KIF1B: variants seen among roughly 807,000 people sequenced by gnomAD.
KIF1B encodes the protein kinesin family member 1B, also known as kinesin-like protein KIF1B.
A neutral mutation model predicts 241.9 loss-of-function variants in KIF1B; 76 were observed. The ratio of observed to expected loss-of-function variants is 0.31; its 90% CI spans 0.26 to 0.38. KIF1B has a LOEUF of 0.38. KIF1B is among the 10% of genes least tolerant of loss of function. KIF1B has a pLI of 1.00. For synonymous variants in KIF1B, 750 were observed against 796.7 expected (o/e 0.94, Z 0.99); for missense variants, 1,622 against 2,271.4 (o/e 0.71, Z 5.81).
intron 18 of KIF1B, 132 bp from the exon 19 acceptor site, chr1:10,295,528 A>C (rs1650218150): frequency 1.2e-6 from 1 of 805,184 alleles, no homozygotes; most frequent in African/African-American, 1.7e-5. Flanking sequence ...TTCATAGTTG[A>C]AAGCTTCTGA....
At position 10,324,652 on chromosome 1, in the gene KIF1B, CCTT is replaced by C. The variant is rs754107452; in HGVS notation, c.2538-105_2538-103del. 487 of 1,265,070 alleles carry C rather than the reference CCTT, an allele frequency of 3.8e-4. No homozygotes were observed. The East Asian group carries it at 9.2e-3, about 24-fold the overall frequency. The allele number at this position is 1,265,070 out of a possible 1,614,324, so 78.4% of individuals were successfully genotyped here. On this transcript the variant is annotated intron_variant, in intron 25 of 48. Coordinates refer to ENST00000676179, the MANE Select transcript of KIF1B (RefSeq NM_001365951.3). ...GTAACATTAAACAGTGGGAGCAACT[CCTT>C]TTTTTTTTTTTGAAGAAAATCTTGA...
rs1350668423 is a variant in KIF1B at position 10,378,282 on chromosome 1, AC to A, written c.*1696del. The A allele has an allele frequency of 4.2e-6, 3 of 717,104 alleles. No individual in the cohort carries two copies. The highest frequency in any genetic ancestry group is 2.0e-5 in the Admixed American group (1 of 49,968). The allele number at this position is 717,104 out of a possible 1,614,324, so 44.4% of individuals were successfully genotyped here. A position where few individuals can be genotyped will look rare whatever the true frequency, so the allele number is the denominator to read the frequency against. On this transcript the variant is annotated 3_prime_UTR_variant, in exon 49 of 49. Transcript: ENST00000676179. ...GCTCCTCTCCATCTGGTGTGGAAAC[AC>A]TGCCCAGGGAGAAAGGAGGAAGCTC...
At chr1:10,258,471 T>C (rs1647926979) in intron 3 of KIF1B, 22 bp from the exon 4 acceptor site, 1 of 1,607,514 alleles carries the variant, frequency 6.2e-7, no homozygotes, top group Non-Finnish European at 8.5e-7. Context: ...AGGTTATTTA[T>C]TTCTCCTTTT....
chr1:10,337,021 A>C lies in KIF1B; in HGVS notation c.3130-53A>C. The stretch of plus-strand genomic sequence containing the variant: ...TAAACAGAAGTAAGGCAACTGGGGA[A>C]AAATACGTTTTTATACTACTTTACC... On this transcript the variant is annotated intron_variant, in intron 29 of 48. Coordinates refer to ENST00000676179, the MANE Select transcript of KIF1B (RefSeq NM_001365951.3). This position sits in a 1 kb window ranked among gnomAD's most constrained non-coding sequence, Gnocchi z 4.0. 1 of 1,612,764 alleles carries C rather than the reference A, an allele frequency of 6.2e-7. No individual in the cohort carries two copies. Among genetic ancestry groups the C allele is most frequent in the Non-Finnish European group, 8.5e-7 (1 of 1,179,364 alleles).
At chr1:10,235,244 A>T (rs1287785482) in intron 2 of KIF1B, among the ~76,000 whole-genome samples, 1 of 151,958 alleles carries the variant, frequency 6.6e-6, no homozygotes, top group East Asian at 1.9e-4. Flanking sequence ...ACCGTAACAA[A>T]GGATTATTAT....
chr1:10,215,695 G>A (rs977660032), intron 1 of KIF1B, among the ~76,000 whole-genome samples: 18 of 152,012 alleles, frequency 1.2e-4, no homozygotes, highest in African/African-American at 4.3e-4. Context: ...ACAGGCATGC[G>A]CTACCATGCC....
chr1:10,379,245 C>T lies in KIF1B; in HGVS notation c.*2658C>T, dbSNP rs1638963199. On this transcript the variant is annotated 3_prime_UTR_variant, in exon 49 of 49. Coordinates refer to ENST00000676179, the MANE Select transcript of KIF1B (RefSeq NM_001365951.3). Reference sequence around the variant, plus strand: ...GAAATGACTTTTGTTTTTCTTCTAACTCATACAAAACTGGTTTGGAAAGTC... The same window carrying T: ...GAAATGACTTTTGTTTTTCTTCTAATTCATACAAAACTGGTTTGGAAAGTC... 1 of 232,020 alleles carries T rather than the reference C, an allele frequency of 4.3e-6. No homozygotes were observed. The highest frequency in any genetic ancestry group is 5.6e-5 in the Admixed American group (1 of 17,738). 14.4% of individuals were successfully genotyped at this position (232,020 alleles called of 1,614,324 possible). A position where few individuals can be genotyped will look rare whatever the true frequency, so the allele number is the denominator to read the frequency against.
intron 22 of KIF1B, among the ~76,000 whole-genome samples, chr1:10,297,689 C>T (rs1348417287): frequency 1.3e-5 from 2 of 151,488 alleles, no homozygotes; most frequent in African/African-American, 4.9e-5. Flanking sequence ...ATTGTTCTTA[C>T]GCTGGGCAGA....
At chr1:10,349,219 ACT>A (rs1557729682) in intron 37 of KIF1B, among the ~76,000 whole-genome samples, 1 of 152,070 alleles carries the variant, frequency 6.6e-6, no homozygotes, top group African/African-American at 2.4e-5. Context: ...TGGGTGGATT[ACT>A]TGAGCCCAGG....
rs112331776 is a variant in KIF1B, at chr1:10,283,621, T to A, written c.1434+1088T>A. 6.1e-3 allele frequency among the ~76,000 whole-genome samples: 929 copies of A among 152,372 alleles called. 4 individuals are homozygous for A. The highest frequency in any genetic ancestry group is 8.5e-3 in the Non-Finnish European group (575 of 68,026). ...AGCTGTTCAGGAATCCTGCCACCCA[T>A]CAGATGACTGTGACAGCATCATCTG... On this transcript the variant is annotated intron_variant, in intron 15 of 48. Coordinates refer to ENST00000676179, the MANE Select transcript of KIF1B (RefSeq NM_001365951.3).
intron 19 of KIF1B, 71 bp downstream of exon 19, chr1:10,295,837 G>C (rs1350440453): frequency 1.6e-6 from 2 of 1,275,664 alleles, no homozygotes; most frequent in East Asian, 4.8e-5. Context: ...TTAAGACTTT[G>C]TATTCTCTGT....
In KIF1B at chr1:10,365,123, A is replaced by G. The variant is rs768282653; in HGVS notation, c.4390A>G (p.Ile1464Val). The G allele has an allele frequency of 6.2e-7, 1 of 1,614,076 alleles. No homozygotes were observed. Among genetic ancestry groups the G allele is most frequent in the Admixed American group, 1.7e-5 (1 of 60,002 alleles). Reference protein sequence around the residue: ...SPGMQRRRRKILDTSVAYVRG... With the variant: ...SPGMQRRRRKVLDTSVAYVRG... ...AGGTATGCAGAGAAGGAGAAGAAAA[A>G]TCTTAGATACGTCAGTGGCATATGT... The change falls in exon 42 of 49, where the codon ATC (isoleucine) becomes GTC (valine). Residue 1464 changes from isoleucine to valine, a missense_variant. Around this residue, in one of 7 missense-constraint regions of KIF1B, gnomAD observed 803 missense variants for 1,112.0 expected, o/e 0.72. Coordinates refer to ENST00000676179, the MANE Select transcript of KIF1B (RefSeq NM_001365951.3). The surrounding 1 kb of genome is among the most constrained non-coding windows in gnomAD (Gnocchi z 4.0).
intron 2 of KIF1B, among the ~76,000 whole-genome samples, chr1:10,233,580 A>G (rs1396183162): frequency 1.3e-5 from 2 of 152,326 alleles, no homozygotes; most frequent in African/African-American, 4.8e-5. Context: ...TTCTATGTCA[A>G]CATTGCCAAC....
Position 10,212,883 on chromosome 1 carries a change from CGT to C in KIF1B, c.-80+2012_-80+2013del, listed in dbSNP as rs200621535. ...ATATATATATGTGTGTGTGTGCATGCGTGTGTGTATATATATATATATATATA... is the reference window on the plus strand; with the variant it reads ...ATATATATATGTGTGTGTGTGCATGCGTGTGTATATATATATATATATATA... On this transcript the variant is annotated intron_variant, in intron 1 of 48. Coordinates refer to ENST00000676179, the MANE Select transcript of KIF1B (RefSeq NM_001365951.3). Among the ~76,000 whole-genome samples the C allele has an allele frequency of 1.1e-4, 7 of 64,886 alleles. 1 individual carries two copies. Among genetic ancestry groups the C allele is most frequent in the South Asian group, 1.2e-3 (2 of 1,656 alleles). The allele number at this position is 64,886 out of a possible 152,430, so 42.6% of individuals were successfully genotyped here.
intron 2 of KIF1B, among the ~76,000 whole-genome samples, chr1:10,252,144 A>G (rs1305052299): frequency 1.3e-5 from 2 of 151,768 alleles, no homozygotes; most frequent in Non-Finnish European, 2.9e-5. Flanking sequence ...GGTTCAAGCA[A>G]TTCTCCCGCC....
At chr1:10,268,005 C>A in intron 6 of KIF1B, 147 bp from the exon 7 acceptor site, 1 of 703,312 alleles carries the variant, frequency 1.4e-6, no homozygotes, top group South Asian at 1.6e-5. Context: ...GTATTGAGAG[C>A]AATTGTGTAA....
rs569625541 is a variant in KIF1B at position 10,313,700 on chromosome 1, A to G, written c.2116-6343A>G. Among the ~76,000 whole-genome samples the G allele has an allele frequency of 5.0e-3, 746 of 148,920 alleles. 31 individuals carry two copies. The highest frequency in any genetic ancestry group is 0.015 in the African/African-American group (580 of 39,560). On this transcript the variant is annotated intron_variant, in intron 22 of 48. Transcript: ENST00000676179. ...CGAGTAGCTGGGACTACAGGTGCCCACCACCACACCCGGCTAATTTTTTGT... is the reference window on the plus strand; with the variant it reads ...CGAGTAGCTGGGACTACAGGTGCCCGCCACCACACCCGGCTAATTTTTTGT...
intron 15 of KIF1B, among the ~76,000 whole-genome samples, chr1:10,287,455 G>A (rs866413152): frequency 6.6e-6 from 1 of 152,224 alleles, no homozygotes; most frequent in South Asian, 2.1e-4. Flanking sequence ...TCTCGTGAAT[G>A]GTTCCAGAAT....
intron 2 of KIF1B, among the ~76,000 whole-genome samples, chr1:10,237,273 A>G: frequency 6.6e-6 from 1 of 152,170 alleles, no homozygotes; most frequent in East Asian, 1.9e-4. Flanking sequence ...CTTATTGTCT[A>G]ATTACTTGGT....
Sources: gnomAD v4.1 joint callset for allele counts (sites outside exome capture counted in the v4.1 genomes callset) on GRCh38, gnomAD v4.1.1 for gene constraint, gnomAD v4.1.1 regional missense constraint, Gnocchi (gnomAD v3.1) non-coding constraint, MANE v1.5 for transcripts, NCBI Gene and HGNC (gene_info 2026-07-23, HGNC 2026-07-21) for gene names.